Variants in DIP2C observed in about 807,000 individuals in gnomAD.
DIP2C encodes the protein DIP2 acetate--CoA ligase C (putative).
A neutral mutation model predicts 192.4 loss-of-function variants in DIP2C; 33 were observed. That is an observed-to-expected ratio of 0.17 (90% CI 0.13 to 0.23). DIP2C has a LOEUF of 0.23. Ranked by LOEUF, DIP2C falls within the 10% of genes least tolerant of loss-of-function variation. DIP2C has a pLI of 1.00. For missense variants in DIP2C, 1,537 were observed against 2,110.1 expected (o/e 0.73, Z 5.32); for synonymous variants, 979 against 864.1 (o/e 1.13, Z -2.33).
At chr10:603,439 T>C (rs1270747056) in intron 1 of DIP2C, among the ~76,000 whole-genome samples, 1 of 151,772 alleles carries the variant, frequency 6.6e-6, no homozygotes, top group Non-Finnish European at 1.5e-5. Flanking sequence ...CTGTCTCTGA[T>C]GTGCTTGAAG....
At chr10:609,890 GCC>G (rs1852953834) in intron 1 of DIP2C, among the ~76,000 whole-genome samples, 1 of 152,176 alleles carries the variant, frequency 6.6e-6, no homozygotes, top group Non-Finnish European at 1.5e-5. Context: ...TTCACTCAAA[GCC>G]CCTTCCCAGC....
At position 467,899 on chromosome 10, in the gene DIP2C, G is replaced by A. The variant is rs191310315; in HGVS notation, c.268+4540C>T. On this transcript the variant is annotated intron_variant, in intron 3 of 36. Transcript: ENST00000280886. ...GCAAAGCACCATGGCACATGTATAC[G>A]TATGTAACAAACCTGCATGTTCTGC... Among the ~76,000 whole-genome samples the A allele has an allele frequency of 3.2e-3, 484 of 152,174 alleles. 3 individuals carry two copies. The highest frequency in any genetic ancestry group is 5.0e-3 in the East Asian group (26 of 5,182).
At position 603,298 on chromosome 10, in the gene DIP2C, C is replaced by CAAAAAAAAAAAAAAA. The variant is rs71376842; in HGVS notation, c.85+86181_85+86195dup. ...TGGGTGACAGAATGAGACTCCATCTCAAAAAAAAAAAAAAAAAAAAAAAAA... is the reference window on the plus strand; with the variant it reads ...TGGGTGACAGAATGAGACTCCATCTCAAAAAAAAAAAAAAAAAAAAAAAAAAAAAAAAAAAAAAAA... On this transcript the variant is annotated intron_variant, in intron 1 of 36. Coordinates refer to ENST00000280886, the MANE Select transcript of DIP2C (RefSeq NM_014974.3). Among the ~76,000 whole-genome samples the CAAAAAAAAAAAAAAA allele has an allele frequency of 2.2e-4, 10 of 45,878 alleles. 3 individuals carry two copies. The highest frequency in any genetic ancestry group is 1.4e-3 in the South Asian group (1 of 690). 30.1% of individuals were successfully genotyped at this position (45,878 alleles called of 152,430 possible).
chr10:624,143 G>A (rs116873054), intron 1 of DIP2C, among the ~76,000 whole-genome samples: 2,861 of 152,298 alleles, frequency 0.019, 34 homozygotes, highest in Non-Finnish European at 0.027. Flanking sequence ...GAAGGGAGCC[G>A]CACGGCGAGG....
intron 3 of DIP2C, among the ~76,000 whole-genome samples, chr10:471,237 CTT>C (rs1970601043): frequency 6.6e-6 from 1 of 152,156 alleles, no homozygotes. Context: ...GGTGTGTCCT[CTT>C]TTGCATGGGT....
At chr10:303,809 C>T (rs796612454) in intron 32 of DIP2C, among the ~76,000 whole-genome samples, 26 of 152,286 alleles carry the variant, frequency 1.7e-4, no homozygotes, top group African/African-American at 6.0e-4. Flanking sequence ...AGGCATGAGC[C>T]GCCGCGCCTG....
chr10:291,650 CTGAGT>C (rs1475517536), intron 32 of DIP2C, among the ~76,000 whole-genome samples: 1 of 152,170 alleles, frequency 6.6e-6, no homozygotes, highest in East Asian at 1.9e-4. Context: ...ACAGAGTGGG[CTGAGT>C]TAAGACCCGG....
At position 363,192 on chromosome 10, in the gene DIP2C, G is replaced by A; in HGVS notation, c.2592+5C>T. 1 of 1,612,504 alleles carries A rather than the reference G, an allele frequency of 6.2e-7. No individual in the cohort carries two copies. On this transcript the variant is annotated splice_donor_5th_base_variant and intron_variant, in intron 21 of 36. Coordinates refer to ENST00000280886, the MANE Select transcript of DIP2C (RefSeq NM_014974.3). The surrounding 1 kb of genome is among the most constrained non-coding windows in gnomAD (Gnocchi z 5.4). ...GGACCAGTGCCCAGGGCGAGGGAGG[G>A]CAACCTGCAGCACACGGCTCATCCA... is the stretch of plus-strand genomic sequence containing the variant.
intron 1 of DIP2C, among the ~76,000 whole-genome samples, chr10:501,991 AATT>A (rs1411466911): frequency 1.3e-5 from 2 of 151,862 alleles, no homozygotes; most frequent in Non-Finnish European, 2.9e-5. Context: ...CAAAAAACAA[AATT>A]AATTAATTGG....
chr10:387,834 A>AT (rs1244714237), intron 13 of DIP2C, 25 bp from the exon 14 acceptor site: 4 of 1,613,758 alleles, frequency 2.5e-6, no homozygotes, highest in African/African-American at 1.3e-5. Context: ...GAGTCAGGAG[A>AT]TTTTTACTTA....
intron 1 of DIP2C, among the ~76,000 whole-genome samples, chr10:598,193 G>A (rs1031795576): frequency 2.6e-5 from 4 of 152,138 alleles, no homozygotes; most frequent in African/African-American, 9.7e-5. Flanking sequence ...GGAGGCCAAG[G>A]CCGGCACCGG....
intron 1 of DIP2C, among the ~76,000 whole-genome samples, chr10:539,934 ATGTT>A (rs1227683332): frequency 1.3e-5 from 2 of 152,212 alleles, no homozygotes; most frequent in Non-Finnish European, 2.9e-5. Flanking sequence ...AAATATGAAA[ATGTT>A]TGACACCACA....
rs116219731 is a variant in DIP2C, at chr10:604,477, C to T, written c.85+85017G>A. 6.0e-3 allele frequency among the ~76,000 whole-genome samples: 909 copies of T among 152,338 alleles called. 10 individuals are homozygous for T. The highest frequency in any genetic ancestry group is 0.021 in the African/African-American group (859 of 41,580). On this transcript the variant is annotated intron_variant, in intron 1 of 36. Coordinates refer to ENST00000280886, the MANE Select transcript of DIP2C (RefSeq NM_014974.3). The stretch of plus-strand genomic sequence containing the variant: ...GAGTCGGAGAGGCCAAGCAATAAGA[C>T]TTTCAAAAAAGCAACCAGAAAGTAA...
At chr10:615,636 A>C (rs1266797431) in intron 1 of DIP2C, among the ~76,000 whole-genome samples, 26 of 149,186 alleles carry the variant, frequency 1.7e-4, no homozygotes, top group African/African-American at 6.5e-4. Flanking sequence ...CCCGCCCCAC[A>C]CACACACACA....
chr10:432,615 G>A (rs542334897), intron 4 of DIP2C, among the ~76,000 whole-genome samples: 71 of 152,260 alleles, frequency 4.7e-4, no homozygotes, highest in Admixed American at 1.9e-3. Flanking sequence ...AGAACCAGCT[G>A]TTGGTTTCGT....
chr10:440,847 C>T (rs761592787), intron 4 of DIP2C, 24 bp downstream of exon 4: 12 of 1,601,612 alleles, frequency 7.5e-6, no homozygotes, highest in South Asian at 3.4e-5. Context: ...TTCAGGAGGC[C>T]GTGTCGGGGA....
chr10:662,667 T>C (rs1206192927), intron 1 of DIP2C: 5 of 566,006 alleles, frequency 8.8e-6, no homozygotes, highest in African/African-American at 1.9e-5. Flanking sequence ...TTCTTTTTCA[T>C]CTTTTTAAAA....
intron 1 of DIP2C, among the ~76,000 whole-genome samples, chr10:582,494 G>A (rs763435155): frequency 2.0e-5 from 3 of 152,206 alleles, no homozygotes; most frequent in Non-Finnish European, 4.4e-5. Context: ...GAGGTGGGAG[G>A]ATCGCCTGAG....
At chr10:493,011 C>T (rs751390796) in intron 1 of DIP2C, among the ~76,000 whole-genome samples, 13 of 152,212 alleles carry the variant, frequency 8.5e-5, no homozygotes, top group Non-Finnish European at 1.5e-4. Flanking sequence ...ATTCAAAGCA[C>T]GTGTGCAGTG....
Sources: allele counts gnomAD v4.1 joint callset (sites outside exome capture counted in the v4.1 genomes callset), GRCh38; gene constraint gnomAD v4.1.1; non-coding constraint Gnocchi (gnomAD v3.1); transcripts MANE v1.5; gene names NCBI Gene and HGNC (gene_info 2026-07-23, HGNC 2026-07-21).